The following SMIM23 variants were observed in gnomAD, a reference collection of about 807,000 sequenced individuals.
SMIM23 encodes small integral membrane protein 23, also known as CTB-78H18.1.
A neutral mutation model predicts 12.8 loss-of-function variants in SMIM23; 10 were observed. The observed-to-expected ratio is 0.78, with a 90% CI of 0.48 to 1.32. The LOEUF is 1.32. Among genes scored for constraint, SMIM23 ranks in the 40% most tolerant of loss-of-function variants. The pLI is 0.00. For synonymous variants in SMIM23, 78 were observed against 80.1 expected, an observed-to-expected ratio of 0.97 and a Z score of 0.14; for missense variants, 184 against 198.2, an observed-to-expected ratio of 0.93 and a Z score of 0.43.
intron 2 of SMIM23, 73 bp from the exon 3 acceptor site, chr5:171,790,409 T>G (rs1182119240): frequency 2.0e-6 from 3 of 1,517,538 alleles, no homozygotes; most frequent in Non-Finnish European, 2.7e-6. Flanking sequence ...TTCATCACAC[T>G]GGGATAACTA....
the SMIM23 span, chr5:171,774,570 G>A: frequency 2.2e-6 from 1 of 455,986 alleles, no homozygotes; most frequent in Non-Finnish European, 4.4e-6. Flanking sequence ...ATCTTGCGTA[G>A]GCCCATGGCA....
rs975952120 is a variant in SMIM23 at position 171,790,282 on chromosome 5, G to A, written c.157+1G>A. The A allele has an allele frequency of 3.3e-6, 5 of 1,535,984 alleles. No homozygotes were observed. The highest frequency in any genetic ancestry group is 3.9e-5 in the Admixed American group (2 of 50,984). On this transcript the variant is annotated splice_donor_variant, in intron 2 of 3. Transcript: ENST00000523047. LOFTEE classifies it high-confidence loss of function. Reference sequence around the variant, plus strand: ...CTGTACTTGAGCACAGAGATATGGGGTGAGCATTCTGGAATCTGAGAAAGA... The same window carrying A: ...CTGTACTTGAGCACAGAGATATGGGATGAGCATTCTGGAATCTGAGAAAGA...
chr5:171,789,928 G>T (rs143092274), intron 1 of SMIM23, among the ~76,000 whole-genome samples: 1 of 152,118 alleles, frequency 6.6e-6, no homozygotes, highest in Admixed American at 6.5e-5. Context: ...AAATGTGTGC[G>T]TTTTATTATA....
At chr5:171,780,501 G>A (rs1283348147), upstream of SMIM23, among the ~76,000 whole-genome samples, 1 of 152,106 alleles carries the variant, frequency 6.6e-6, no homozygotes, top group Non-Finnish European at 1.5e-5. Context: ...AATTTATTAT[G>A]TTTCCTAGAA....
At chr5:171,789,194 G>A (rs1755877724) in intron 1 of SMIM23, among the ~76,000 whole-genome samples, 1 of 152,218 alleles carries the variant, frequency 6.6e-6, no homozygotes, top group African/African-American at 2.4e-5. Context: ...CAACAAAATA[G>A]TAGCTTATCA....
At chr5:171,780,826 T>C (rs1433579220), upstream of SMIM23, among the ~76,000 whole-genome samples, 1 of 151,930 alleles carries the variant, frequency 6.6e-6, no homozygotes, top group Admixed American at 6.6e-5. Flanking sequence ...CTTTCTCTGG[T>C]CTTGAATCTT....
upstream of SMIM23, among the ~76,000 whole-genome samples, chr5:171,785,263 C>T (rs1394949200): frequency 2.0e-5 from 3 of 151,986 alleles, no homozygotes; most frequent in African/African-American, 7.3e-5. Flanking sequence ...TCTCCTACTG[C>T]AGTGAGGCAG....
the SMIM23 span, among the ~76,000 whole-genome samples, chr5:171,776,626 C>T: frequency 1.3e-5 from 2 of 152,182 alleles, no homozygotes; most frequent in African/African-American, 4.8e-5. Context: ...TCATCATCAT[C>T]TCTATGCCCA....
In SMIM23 at chr5:171,787,652, G is replaced by T. The variant is rs529388932; in HGVS notation, c.105+1676G>T. Among the ~76,000 whole-genome samples the T allele has an allele frequency of 1.1e-4, 16 of 152,288 alleles. No homozygotes were observed. In the South Asian group the frequency reaches 1.5e-3, roughly 14 times the overall value. ...TTCCTAAAGAATATTGTTAAGAAAA[G>T]AAAAAGGACCCTAATATTACATGTA... On this transcript the variant is annotated intron_variant, in intron 1 of 3. Transcript: ENST00000523047.
Position 171,791,100 on chromosome 5 carries a change from C to A in SMIM23, c.*12C>A. The A allele has an allele frequency of 8.9e-6, 13 of 1,463,460 alleles. 1 individual carries two copies. The South Asian group carries it at 1.8e-4, about 20-fold the overall frequency. The allele number at this position is 1,463,460 out of a possible 1,614,324, so 90.7% of individuals were successfully genotyped here. A position where few individuals can be genotyped will look rare whatever the true frequency, so the allele number is the denominator to read the frequency against. On this transcript the variant is annotated 3_prime_UTR_variant, in exon 4 of 4. Transcript: ENST00000523047. Reference sequence around the variant, plus strand: ...GGGCAGAGCTCTGACTCTTGAAGTTCCAGTCAGGCAAGAAAATAAAGTAGT... The same window carrying A: ...GGGCAGAGCTCTGACTCTTGAAGTTACAGTCAGGCAAGAAAATAAAGTAGT...
Position 171,790,285 on chromosome 5 carries a change from A to G in SMIM23, c.157+4A>G, listed in dbSNP as rs1755897949. 1 of 1,536,078 alleles carries G rather than the reference A, an allele frequency of 6.5e-7. No individual in the cohort carries two copies. The highest frequency in any genetic ancestry group is 8.7e-7 in the Non-Finnish European group (1 of 1,146,866). ...TACTTGAGCACAGAGATATGGGGTG[A>G]GCATTCTGGAATCTGAGAAAGAAGG... is the stretch of plus-strand genomic sequence containing the variant. On this transcript the variant is annotated splice_donor_region_variant and intron_variant, in intron 2 of 3. Coordinates refer to ENST00000523047, the MANE Select transcript of SMIM23 (RefSeq NM_001289970.2).
At chr5:171,774,250 A>G in the SMIM23 span, 1 of 373,786 alleles carries the variant, frequency 2.7e-6, no homozygotes. Flanking sequence ...GTCACTCTCC[A>G]CCCTGGCCCA....
At chr5:171,784,409 G>A (rs1755777945), upstream of SMIM23, among the ~76,000 whole-genome samples, 1 of 152,124 alleles carries the variant, frequency 6.6e-6, no homozygotes. Context: ...GGAGGCAGAG[G>A]CAGGAGGATG....
chr5:171,773,063 C>T, the SMIM23 span, among the ~76,000 whole-genome samples: 1 of 152,140 alleles, frequency 6.6e-6, no homozygotes, highest in East Asian at 1.9e-4. Context: ...CAGAGAGGGG[C>T]CTGGCGTGGA....
At chr5:171,787,806 G>A (rs1755845829) in intron 1 of SMIM23, among the ~76,000 whole-genome samples, 1 of 152,184 alleles carries the variant, frequency 6.6e-6, no homozygotes, top group East Asian at 1.9e-4. Flanking sequence ...TCTGATTTGT[G>A]TCATCATAGC....
rs1027651682 is a variant in SMIM23, at chr5:171,790,516, A to G, written c.192A>G (p.Glu64=). ...GGGAGGTGTCAGAAAGGATCAGAGAATGTAACTACTACCAGAATCTTGCAG... is the reference window on the plus strand; with the variant it reads ...GGGAGGTGTCAGAAAGGATCAGAGAGTGTAACTACTACCAGAATCTTGCAG... ...SSWEVSERIR[E]CNYYQNLAVP... The change falls in exon 3 of 4, where the codon GAA becomes GAG. Residue 64 remains glutamate (E), a synonymous_variant. Transcript: ENST00000523047. 37 of 1,536,672 alleles carry G rather than the reference A, an allele frequency of 2.4e-5. No homozygotes were observed. Among genetic ancestry groups the G allele is most frequent in the Middle Eastern group, 3.3e-4 (2 of 6,018 alleles).
chr5:171,777,384 T>A, the SMIM23 span, among the ~76,000 whole-genome samples: 1 of 152,188 alleles, frequency 6.6e-6, no homozygotes, highest in African/African-American at 2.4e-5. Context: ...TTAATCCTGT[T>A]TTTTTTTCCT....
At chr5:171,774,468 A>G in the SMIM23 span, 8 of 456,082 alleles carry the variant, frequency 1.8e-5, no homozygotes, top group Non-Finnish European at 3.1e-5. Context: ...CTCTCCCCCA[A>G]TCCCCATGGG....
upstream of SMIM23, among the ~76,000 whole-genome samples, chr5:171,785,478 G>A (rs959933741): frequency 2.6e-5 from 4 of 151,500 alleles, no homozygotes; most frequent in Admixed American, 6.6e-5. Flanking sequence ...CAAACTTCTG[G>A]ACTCAAGCAA....
Sources: gnomAD v4.1 joint callset for allele counts (sites outside exome capture counted in the v4.1 genomes callset) on GRCh38, gnomAD v4.1.1 for gene constraint, MANE v1.5 for transcripts, NCBI Gene and HGNC (gene_info 2026-07-23, HGNC 2026-07-21) for gene names.